CEP128: variants seen among roughly 807,000 people sequenced by gnomAD.
CEP128 encodes centrosomal protein 128kDa.
A neutral mutation model predicts 156.7 loss-of-function variants in CEP128; 132 were observed. The observed-to-expected ratio is 0.84, with a 90% CI of 0.73 to 0.97. CEP128 has a LOEUF of 0.97. Among genes scored for constraint, CEP128 ranks in the 50% least tolerant of loss-of-function variants. CEP128 has a pLI of 0.00. For missense variants in CEP128, 1,252 were observed against 1,281.9 expected (o/e 0.98, Z 0.36); for synonymous variants, 469 against 448.9 (o/e 1.04, Z -0.57).
chr14:80,619,385 C>CACACACACACAG (rs1279757618), intron 19 of CEP128, among the ~76,000 whole-genome samples: 3 of 145,388 alleles, frequency 2.1e-5, no homozygotes, highest in African/African-American at 7.4e-5. Flanking sequence ...CACACACACA[C>CACACACACACAG]ACACACACAC....
In CEP128 at chr14:80,917,651, G is replaced by A. The variant is rs147686389; in HGVS notation, c.-15-1089C>T. Among the ~76,000 whole-genome samples, 638 of 152,228 alleles carry A rather than the reference G, an allele frequency of 4.2e-3. 6 individuals carry two copies. The highest frequency in any genetic ancestry group is 0.015 in the African/African-American group (609 of 41,532). On this transcript the variant is annotated intron_variant, in intron 2 of 24. Transcript: ENST00000555265. ...CCTCCCAGGTTCAAGCAATTGTCCTGCCTCAGCCTCCCGAGAAAACATTTC... is the reference window on the plus strand; with the variant it reads ...CCTCCCAGGTTCAAGCAATTGTCCTACCTCAGCCTCCCGAGAAAACATTTC...
chr14:80,561,493 G>A (rs991250745), intron 20 of CEP128, among the ~76,000 whole-genome samples: 12 of 152,096 alleles, frequency 7.9e-5, no homozygotes, highest in African/African-American at 1.7e-4. Flanking sequence ...TGAACAGAAC[G>A]TCATTAGATG....
At chr14:80,824,984 G>A (rs928964570) in intron 13 of CEP128, among the ~76,000 whole-genome samples, 3 of 152,176 alleles carry the variant, frequency 2.0e-5, no homozygotes, top group Admixed American at 1.3e-4. Flanking sequence ...GTGGCTGGGG[G>A]AGCTTCAGAG....
At chr14:80,771,636 C>T (rs1478969256) in intron 16 of CEP128, among the ~76,000 whole-genome samples, 4 of 152,132 alleles carry the variant, frequency 2.6e-5, no homozygotes, top group Non-Finnish European at 5.9e-5. Flanking sequence ...CTATCAATTG[C>T]TATAGCCTTA....
At chr14:80,938,934 G>T (rs1885991232) in intron 2 of CEP128, among the ~76,000 whole-genome samples, 2 of 152,284 alleles carry the variant, frequency 1.3e-5, no homozygotes, top group Admixed American at 1.3e-4. Flanking sequence ...CAGCAATGAA[G>T]CCCCTTGGCA....
intron 16 of CEP128, among the ~76,000 whole-genome samples, chr14:80,770,185 G>C (rs1448062585): frequency 1.3e-5 from 2 of 152,110 alleles, no homozygotes; most frequent in Non-Finnish European, 2.9e-5. Flanking sequence ...GTCAGGAGTG[G>C]GTACAACTGG....
At chr14:80,520,651 T>A (rs182503303) in intron 23 of CEP128, among the ~76,000 whole-genome samples, 89 of 152,230 alleles carry the variant, frequency 5.8e-4, no homozygotes, top group African/African-American at 2.1e-3. Context: ...TGGCTTCACA[T>A]GACTTTAATC....
intron 19 of CEP128, among the ~76,000 whole-genome samples, chr14:80,699,332 C>T (rs1182388513): frequency 6.6e-6 from 1 of 152,154 alleles, no homozygotes; most frequent in Non-Finnish European, 1.5e-5. Context: ...CCCATTACCG[C>T]CCATGCACTA....
At chr14:80,887,504 T>C (rs1297667821) in intron 8 of CEP128, among the ~76,000 whole-genome samples, 1 of 152,140 alleles carries the variant, frequency 6.6e-6, no homozygotes, top group Non-Finnish European at 1.5e-5. Flanking sequence ...ACATGGAAAC[T>C]GAACAATCTA....
chr14:80,782,777 T>C (rs568015256), intron 15 of CEP128, among the ~76,000 whole-genome samples: 5 of 152,308 alleles, frequency 3.3e-5, no homozygotes, highest in African/African-American at 1.2e-4. Context: ...AGGCTTTTTA[T>C]ACTTCTTCTT....
At chr14:80,757,987 C>T (rs1056505911) in intron 17 of CEP128, among the ~76,000 whole-genome samples, 1 of 152,224 alleles carries the variant, frequency 6.6e-6, no homozygotes, top group Admixed American at 6.5e-5. Context: ...TATTTCCTTC[C>T]TCTTCCAGTT....
chr14:80,703,042 GA>G (rs1267405449), intron 19 of CEP128, among the ~76,000 whole-genome samples: 1 of 152,002 alleles, frequency 6.6e-6, no homozygotes, highest in Non-Finnish European at 1.5e-5. Context: ...TGGAACTAAT[GA>G]AAAATAACAA....
rs755877678 is a variant in CEP128, at chr14:80,836,308, T to A, written c.954A>T (p.Lys318Asn). The change falls in exon 12 of 25, where the codon AAA becomes AAT. Residue 318 changes from lysine (K) to asparagine (N), a missense_variant. By Grantham distance (94) the Lys-to-Asn change is moderately conservative (BLOSUM62 0). Coordinates refer to ENST00000555265, the MANE Select transcript of CEP128 (RefSeq NM_152446.5). ...QVEELRTQLT[K>N]AEGDRKGLQH... The stretch of plus-strand genomic sequence containing the variant: ...GTAAACCCTTTCGATCACCTTCTGC[T>A]TTCGTAAGTTGTGTACGCAGTTCTT... 6.2e-7 allele frequency: 1 copy of A among 1,614,088 alleles called. No homozygotes were observed. The highest frequency in any genetic ancestry group is 8.5e-7 in the Non-Finnish European group (1 of 1,179,974).
intron 13 of CEP128, among the ~76,000 whole-genome samples, chr14:80,826,105 CAAA>C (rs397700906): frequency 5.7e-5 from 4 of 70,486 alleles, no homozygotes; most frequent in Admixed American, 3.3e-4. Context: ...GATTCTGTCT[CAAA>C]AAAAAAAAAA....
chr14:80,565,287 G>A (rs542443460), intron 20 of CEP128, among the ~76,000 whole-genome samples: 42 of 152,144 alleles, frequency 2.8e-4, no homozygotes, highest in East Asian at 1.2e-3. Context: ...AACAGAAGAC[G>A]TTAAGATAAC....
intron 9 of CEP128, among the ~76,000 whole-genome samples, chr14:80,843,600 A>G (rs181953078): frequency 6.6e-6 from 1 of 152,206 alleles, no homozygotes; most frequent in East Asian, 1.9e-4. Flanking sequence ...TTTTGTAATT[A>G]AATTCTTCAC....
intron 19 of CEP128, among the ~76,000 whole-genome samples, chr14:80,593,714 C>G (rs568335288): frequency 6.6e-6 from 1 of 152,282 alleles, no homozygotes; most frequent in East Asian, 1.9e-4. Context: ...AGAGAACTCT[C>G]ATTCACAATT....
At chr14:80,485,071 C>T (rs1887132837) in intron 14 of CEP128, among the ~76,000 whole-genome samples, 1 of 152,100 alleles carries the variant, frequency 6.6e-6, no homozygotes, top group South Asian at 2.1e-4. Flanking sequence ...CTCTCAGTGG[C>T]TCCAGAACTG....
At chr14:80,902,155 C>T (rs1272140024) in intron 6 of CEP128, among the ~76,000 whole-genome samples, 2 of 152,280 alleles carry the variant, frequency 1.3e-5, no homozygotes, top group Admixed American at 6.5e-5. Flanking sequence ...TCGCATGCAT[C>T]TCAGTTCATA....
Sources: allele counts gnomAD v4.1 joint callset (sites outside exome capture counted in the v4.1 genomes callset), GRCh38; gene constraint gnomAD v4.1.1; transcripts MANE v1.5; gene names NCBI Gene and HGNC (gene_info 2026-07-23, HGNC 2026-07-21).